Variants in LYRM7 observed in about 807,000 individuals in gnomAD.
LYRM7 encodes complex III assembly factor LYRM7.
A neutral mutation model predicts 15.8 loss-of-function variants in LYRM7; 9 were observed. That is an observed-to-expected ratio of 0.57 (90% CI 0.34 to 0.99). LYRM7 has a LOEUF of 0.99. Ranked by LOEUF, LYRM7 falls within the 50% of genes least tolerant of loss-of-function variation. The pLI is 0.02. For synonymous variants in LYRM7, 39 were observed against 39.4 expected (o/e 0.99, Z 0.04); for missense variants, 115 against 119.1 (o/e 0.97, Z 0.16).
At chr5:131,187,552 T>C (rs1356776561) in intron 4 of LYRM7, among the ~76,000 whole-genome samples, 2 of 151,982 alleles carry the variant, frequency 1.3e-5, no homozygotes, top group African/African-American at 4.8e-5. Flanking sequence ...TAGTGCGATC[T>C]TGGCTCGCTG....
chr5:131,204,381 T>C lies in LYRM7; in HGVS notation c.*4780T>C, dbSNP rs891319684. On this transcript the variant is annotated 3_prime_UTR_variant, in exon 5 of 5. Transcript: ENST00000379380. Reference sequence around the variant, plus strand: ...TAATTTTAAACAATTTAAAACAGACTGAGTTTCCAAAGTTAGGGTACAATG... The same window carrying C: ...TAATTTTAAACAATTTAAAACAGACCGAGTTTCCAAAGTTAGGGTACAATG... The C allele has an allele frequency of 2.0e-5, 3 of 151,494 alleles. No homozygotes were observed. The highest frequency in any genetic ancestry group is 4.4e-5 in the Non-Finnish European group (3 of 67,944). 9.4% of individuals were successfully genotyped at this position (151,494 alleles called of 1,614,324 possible).
At chr5:131,175,324 C>G (rs559341794) in intron 1 of LYRM7, among the ~76,000 whole-genome samples, 43 of 151,798 alleles carry the variant, frequency 2.8e-4, no homozygotes, top group African/African-American at 9.7e-4. Context: ...CTCAGCCTCC[C>G]GAGTAGCTGG....
intron 1 of LYRM7, among the ~76,000 whole-genome samples, chr5:131,172,412 C>CA (rs111463881): frequency 0.18 from 27,507 of 151,988 alleles, 6,317 homozygotes; most frequent in African/African-American, 0.54. Flanking sequence ...GACTTCATCT[C>CA]AAAAAATAAG....
intron 1 of LYRM7, among the ~76,000 whole-genome samples, chr5:131,172,887 G>A (rs1176270225): frequency 2.0e-5 from 3 of 152,182 alleles, no homozygotes; most frequent in Non-Finnish European, 2.9e-5. Context: ...TGTCCAATCA[G>A]TATAAGTAAA....
intron 4 of LYRM7, among the ~76,000 whole-genome samples, chr5:131,198,452 A>G (rs1756005502): frequency 6.6e-6 from 1 of 152,202 alleles, no homozygotes; most frequent in African/African-American, 2.4e-5. Flanking sequence ...TTTGAAAAGT[A>G]TAGGCAGGTT....
chr5:131,201,414 A>C lies in LYRM7; in HGVS notation c.*1813A>C, dbSNP rs371401601. ...TACTTTCATGCCATAAGACTACACAATAAAGTTCCTGAAAGTTCCTGGCTG... is the reference window on the plus strand; with the variant it reads ...TACTTTCATGCCATAAGACTACACACTAAAGTTCCTGAAAGTTCCTGGCTG... On this transcript the variant is annotated 3_prime_UTR_variant, in exon 5 of 5. Coordinates refer to ENST00000379380, the MANE Select transcript of LYRM7 (RefSeq NM_181705.4). The C allele has an allele frequency of 6.6e-6, 1 of 152,006 alleles. No homozygotes were observed. The highest frequency in any genetic ancestry group is 1.5e-5 in the Non-Finnish European group (1 of 68,048). 9.4% of individuals were successfully genotyped at this position (152,006 alleles called of 1,614,324 possible). A position where few individuals can be genotyped will look rare whatever the true frequency, so the allele number is the denominator to read the frequency against.
intron 2 of LYRM7, among the ~76,000 whole-genome samples, chr5:131,180,788 T>C (rs1755679048): frequency 1.3e-5 from 2 of 152,242 alleles, no homozygotes; most frequent in Non-Finnish European, 2.9e-5. Context: ...TGTATTGTAT[T>C]ATATGTACTT....
rs368630813 is a variant in LYRM7, at chr5:131,180,203, CT to C, written c.91+41del. 60 of 1,450,236 alleles carry C rather than the reference CT, an allele frequency of 4.1e-5. 1 individual carries two copies. The African/African-American group carries it at 5.3e-4, about 13-fold the overall frequency. 89.8% of individuals were successfully genotyped at this position (1,450,236 alleles called of 1,614,324 possible). ...TCTTTACCCCTTTGGAGCCAGTCTA[CT>C]TTTTAGATAACTACTAATCTCTCTG... On this transcript the variant is annotated intron_variant, in intron 2 of 4. Transcript: ENST00000379380.
intron 1 of LYRM7, among the ~76,000 whole-genome samples, chr5:131,173,968 C>CA (rs1426736761): frequency 6.6e-6 from 1 of 152,184 alleles, no homozygotes; most frequent in Non-Finnish European, 1.5e-5. Flanking sequence ...AAGTTGACCA[C>CA]ATTGATTGAC....
At chr5:131,172,871 C>G (rs1755543861) in intron 1 of LYRM7, among the ~76,000 whole-genome samples, 1 of 152,168 alleles carries the variant, frequency 6.6e-6, no homozygotes, top group South Asian at 2.1e-4. Flanking sequence ...TCTACACTGC[C>G]TGAATTGTCC....
chr5:131,201,086 C>G lies in LYRM7; in HGVS notation c.*1485C>G, dbSNP rs557483625. ...AATCCCGCACTTTGGGAGGCTGAGG[C>G]GGGCAGATCACAAGGTCAGGAGTTC... On this transcript the variant is annotated 3_prime_UTR_variant, in exon 5 of 5. Transcript: ENST00000379380. 1 of 151,678 alleles carries G rather than the reference C, an allele frequency of 6.6e-6. No individual in the cohort carries two copies. Among genetic ancestry groups the G allele is most frequent in the African/African-American group, 2.4e-5 (1 of 41,292 alleles). The allele number at this position is 151,678 out of a possible 1,614,324, so 9.4% of individuals were successfully genotyped here. A position where few individuals can be genotyped will look rare whatever the true frequency, so the allele number is the denominator to read the frequency against.
rs1021952012 is a variant in LYRM7, at chr5:131,197,532, G to A, written c.245-1999G>A. 5.7e-5 allele frequency among the ~76,000 whole-genome samples: 7 copies of A among 122,664 alleles called. No individual in the cohort carries two copies. In the East Asian group the frequency reaches 1.8e-3, roughly 32 times the overall value. The allele number at this position is 122,664 out of a possible 152,430, so 80.5% of individuals were successfully genotyped here. A position where few individuals can be genotyped will look rare whatever the true frequency, so the allele number is the denominator to read the frequency against. Reference sequence around the variant, plus strand: ...TTTGGGTTGAATTTGTTTTAGTGTTGTCTTCTGTCTTTTTTTTTTTTTTTT... The same window carrying A: ...TTTGGGTTGAATTTGTTTTAGTGTTATCTTCTGTCTTTTTTTTTTTTTTTT... On this transcript the variant is annotated intron_variant, in intron 4 of 4. Coordinates refer to ENST00000379380, the MANE Select transcript of LYRM7 (RefSeq NM_181705.4).
At chr5:131,182,322 A>T in intron 3 of LYRM7, 23 bp downstream of exon 3, 2 of 1,355,874 alleles carry the variant, frequency 1.5e-6, no homozygotes, top group Non-Finnish European at 2.0e-6. Flanking sequence ...TTTCAATTAT[A>T]GTAAAACTTA....
At chr5:131,197,284 C>T (rs764499356) in intron 4 of LYRM7, among the ~76,000 whole-genome samples, 2 of 152,118 alleles carry the variant, frequency 1.3e-5, no homozygotes, top group Non-Finnish European at 2.9e-5. Context: ...ATAAGTGAAA[C>T]AAATTATTGC....
At chr5:131,182,667 C>A (rs375191102) in intron 3 of LYRM7, among the ~76,000 whole-genome samples, 1 of 152,116 alleles carries the variant, frequency 6.6e-6, no homozygotes, top group African/African-American at 2.4e-5. Context: ...CTGAACTAAG[C>A]GGTTAGATAT....
chr5:131,172,818 T>C (rs1216145181), intron 1 of LYRM7, among the ~76,000 whole-genome samples: 1 of 152,218 alleles, frequency 6.6e-6, no homozygotes, highest in African/African-American at 2.4e-5. Context: ...TAAGTGACAA[T>C]CTCAGATTCA....
At chr5:131,175,749 G>GGTTTT (rs1554089541) in intron 1 of LYRM7, among the ~76,000 whole-genome samples, 6,742 of 151,086 alleles carry the variant, frequency 0.045, 504 homozygotes, top group African/African-American at 0.15. Flanking sequence ...TGCCCAGGCT[G>GGTTTT]GTTTTGTTTT....
chr5:131,179,619 C>G (rs1755659141), intron 1 of LYRM7, among the ~76,000 whole-genome samples: 1 of 151,744 alleles, frequency 6.6e-6, no homozygotes, highest in Admixed American at 6.6e-5. Flanking sequence ...CAGGTGCACA[C>G]CACCATGGCC....
At position 131,199,904 on chromosome 5, in the gene LYRM7, C is replaced by A; in HGVS notation, c.*303C>A. The A allele has an allele frequency of 5.6e-6, 1 of 178,904 alleles. No homozygotes were observed. 11.1% of individuals were successfully genotyped at this position (178,904 alleles called of 1,614,324 possible). ...TCTTTGACCTTGATGAGTATTTGAT[C>A]TTACCATAGCTATTTGAGAATGTGG... On this transcript the variant is annotated 3_prime_UTR_variant, in exon 5 of 5. Transcript: ENST00000379380.
Sources: gnomAD v4.1 joint callset for allele counts (sites outside exome capture counted in the v4.1 genomes callset) on GRCh38, gnomAD v4.1.1 for gene constraint, MANE v1.5 for transcripts, NCBI Gene and HGNC (gene_info 2026-07-23, HGNC 2026-07-21) for gene names.